Variants in TPRA1 observed in about 807,000 individuals in gnomAD.
The protein encoded by TPRA1 is transmembrane protein adipocyte-associated 1.
Under a neutral mutation model 40.1 loss-of-function variants are expected in TPRA1, and 28 were observed. The observed-to-expected ratio is 0.70, with a 90% CI of 0.52 to 0.96. The LOEUF is 0.96. Among genes scored for constraint, TPRA1 ranks in the 40% least tolerant of loss-of-function variants. The pLI, the probability that TPRA1 is intolerant of heterozygous loss-of-function variation, is 0.00. For synonymous variants in TPRA1, 219 were observed against 209.7 expected (o/e 1.04, Z -0.38); for missense variants, 441 against 482.6 (o/e 0.91, Z 0.81).
At chr3:127,580,972 T>C (rs1386475874) in intron 1 of TPRA1, among the ~76,000 whole-genome samples, 1 of 152,126 alleles carries the variant, frequency 6.6e-6, no homozygotes, top group South Asian at 2.1e-4. Context: ...CACATGACAC[T>C]CTGAGCATGA....
At chr3:127,584,711 C>A (rs999372119) in intron 1 of TPRA1, among the ~76,000 whole-genome samples, 1 of 152,118 alleles carries the variant, frequency 6.6e-6, no homozygotes, top group Non-Finnish European at 1.5e-5. Flanking sequence ...TGGACACGAG[C>A]TGAGACAGGC....
intron 1 of TPRA1, among the ~76,000 whole-genome samples, chr3:127,597,799 G>C (rs2074260401): frequency 1.3e-5 from 2 of 151,694 alleles, no homozygotes; most frequent in South Asian, 4.2e-4. Flanking sequence ...ACCAGGCTCT[G>C]AACCTCTGCT....
intron 10 of TPRA1, among the ~76,000 whole-genome samples, chr3:127,574,435 A>C (rs2073503484): frequency 6.6e-6 from 1 of 152,140 alleles, no homozygotes; most frequent in Non-Finnish European, 1.5e-5. Flanking sequence ...CCCCAATCCC[A>C]TGTCTTCAGC....
chr3:127,597,232 G>A (rs2074252843), intron 1 of TPRA1, among the ~76,000 whole-genome samples: 1 of 152,126 alleles, frequency 6.6e-6, no homozygotes, highest in African/African-American at 2.4e-5. Context: ...AAAGTGCCTG[G>A]CTAAGAGGGT....
chr3:127,592,104 C>T (rs765059237), upstream of TPRA1, among the ~76,000 whole-genome samples: 24 of 152,360 alleles, frequency 1.6e-4, no homozygotes, highest in Non-Finnish European at 3.4e-4. Flanking sequence ...CGAATGACCA[C>T]AGCCACAATG....
At chr3:127,583,144 T>C in intron 1 of TPRA1, among the ~76,000 whole-genome samples, 2 of 99,682 alleles carry the variant, frequency 2.0e-5, no homozygotes, top group African/African-American at 8.9e-5. Context: ...AGACTCCGTC[T>C]CAAAAAAAAA....
At chr3:127,574,948 G>A in intron 10 of TPRA1, 1 of 576,284 alleles carries the variant, frequency 1.7e-6, no homozygotes, top group Non-Finnish European at 3.1e-6. Context: ...ATGTGTGCAT[G>A]CTTGTGCATC....
At position 127,573,778 on chromosome 3, in the gene TPRA1, T is replaced by C. The variant is rs774848390; in HGVS notation, c.865A>G (p.Lys289Glu). 6.4e-7 allele frequency: 1 copy of C among 1,573,022 alleles called. No homozygotes were observed. Among genetic ancestry groups the C allele is most frequent in the Admixed American group, 1.8e-5 (1 of 56,084 alleles). Reference protein sequence around the residue: ...FLRGFFGSEPKILFSYKCQVD... With the variant: ...FLRGFFGSEPEILFSYKCQVD... ...TGGCATTTGTAGGAGAAGAGGATCTTGGGCTCCGAGCTGATAAAAGGAAAA... is the reference window on the plus strand; with the variant it reads ...TGGCATTTGTAGGAGAAGAGGATCTCGGGCTCCGAGCTGATAAAAGGAAAA... Residue 289 changes from lysine to glutamate, a missense_variant, in exon 11 of 11, where the codon AAG becomes GAG. Physicochemically the swap from Lys to Glu is moderately conservative, Grantham distance 56. Transcript: ENST00000355552.
rs990742862 is a variant in TPRA1, at chr3:127,571,300, C to T, written c.*2221G>A. On this transcript the variant is annotated 3_prime_UTR_variant, in exon 11 of 11. Coordinates refer to ENST00000355552, the MANE Select transcript of TPRA1 (RefSeq NM_001136053.4). ...TTATTCTAGACAGCTGTGTATCTAG[C>T]GAAAAATCAGGGATTCTCTTCCAAT... The T allele has an allele frequency of 2.0e-5, 3 of 152,060 alleles. No homozygotes were observed. Among genetic ancestry groups the T allele is most frequent in the East Asian group, 3.9e-4 (2 of 5,192 alleles). 9.4% of individuals were successfully genotyped at this position (152,060 alleles called of 1,614,324 possible). A position where few individuals can be genotyped will look rare whatever the true frequency, so the allele number is the denominator to read the frequency against.
upstream of TPRA1, among the ~76,000 whole-genome samples, chr3:127,591,602 C>A (rs1389123871): frequency 6.6e-6 from 1 of 152,226 alleles, no homozygotes; most frequent in Non-Finnish European, 1.5e-5. Context: ...TGTTCCCCCG[C>A]AGAGCTGGCT....
intron 1 of TPRA1, among the ~76,000 whole-genome samples, chr3:127,583,440 G>A (rs2073895991): frequency 6.6e-6 from 1 of 152,178 alleles, no homozygotes; most frequent in African/African-American, 2.4e-5. Flanking sequence ...CGAGGCTGCA[G>A]TGAGCTATGA....
rs2073438264 is a variant in TPRA1 at position 127,573,412 on chromosome 3, C to T, written c.*109G>A. On this transcript the variant is annotated 3_prime_UTR_variant, in exon 11 of 11. Transcript: ENST00000355552. ...GACTCATGGTGGGAACAGGGCCACA[C>T]AGGGCTACTGCCCACAGAACGTCCC... 4 of 1,399,738 alleles carry T rather than the reference C, an allele frequency of 2.9e-6. No homozygotes were observed. Among genetic ancestry groups the T allele is most frequent in the Non-Finnish European group, 3.8e-6 (4 of 1,055,270 alleles). 86.7% of individuals were successfully genotyped at this position (1,399,738 alleles called of 1,614,324 possible). A position where few individuals can be genotyped will look rare whatever the true frequency, so the allele number is the denominator to read the frequency against.
Position 127,576,742 on chromosome 3 carries a change from C to G in TPRA1, c.419-46G>C. The G allele has an allele frequency of 2.5e-6, 4 of 1,611,230 alleles. No individual in the cohort carries two copies. The highest frequency in any genetic ancestry group is 3.4e-6 in the Non-Finnish European group (4 of 1,178,746). Reference sequence around the variant, plus strand: ...AGCAGGCAGGAGCCAGCCCAGGTGACCACTCCAGAGTCAGCCCACAGCCAG... The same window carrying G: ...AGCAGGCAGGAGCCAGCCCAGGTGAGCACTCCAGAGTCAGCCCACAGCCAG... On this transcript the variant is annotated intron_variant, in intron 5 of 10. Coordinates refer to ENST00000355552, the MANE Select transcript of TPRA1 (RefSeq NM_001136053.4). This position sits in a 1 kb window ranked among gnomAD's most constrained non-coding sequence, Gnocchi z 4.6.
chr3:127,576,978 G>A lies in TPRA1; in HGVS notation c.345+12C>T. ...AGGCCTCCCTGGCCTCCCTCAGAGG[G>A]CCCAGCCGCACCTTATCAGCAACAG... On this transcript the variant is annotated intron_variant, in intron 4 of 10. Coordinates refer to ENST00000355552, the MANE Select transcript of TPRA1 (RefSeq NM_001136053.4). The surrounding 1 kb of genome is among the most constrained non-coding windows in gnomAD (Gnocchi z 4.6). 1 of 1,613,636 alleles carries A rather than the reference G, an allele frequency of 6.2e-7. No homozygotes were observed. Among genetic ancestry groups the A allele is most frequent in the Non-Finnish European group, 8.5e-7 (1 of 1,179,964 alleles).
upstream of TPRA1, among the ~76,000 whole-genome samples, chr3:127,592,227 A>G (rs1287661334): frequency 1.3e-5 from 2 of 152,122 alleles, no homozygotes; most frequent in East Asian, 3.9e-4. Flanking sequence ...GGAAACTGCC[A>G]CCCTACCATG....
chr3:127,580,379 C>T (rs570456842), intron 1 of TPRA1: 39 of 538,824 alleles, frequency 7.2e-5, no homozygotes, highest in Admixed American at 4.3e-4. Flanking sequence ...CTCTATCTCA[C>T]GACCTGCAAA....
rs79850434 is a variant in TPRA1, at chr3:127,589,996, A to C, written c.-18+414T>G. 0.013 allele frequency among the ~76,000 whole-genome samples: 1,928 copies of C among 152,298 alleles called. 225 individuals are homozygous for C. The East Asian group carries it at 0.28, about 22-fold the overall frequency. The stretch of plus-strand genomic sequence containing the variant: ...ACATGGCCCCCTCACGGGGCAGCAA[A>C]GCCCCGAACCGGCGGCAGGCTTGGC... On this transcript the variant is annotated intron_variant, in intron 1 of 10. Coordinates refer to ENST00000355552, the MANE Select transcript of TPRA1 (RefSeq NM_001136053.4).
upstream of TPRA1, among the ~76,000 whole-genome samples, chr3:127,591,378 C>G (rs1235149966): frequency 1.3e-5 from 2 of 152,204 alleles, no homozygotes; most frequent in African/African-American, 4.8e-5. Context: ...ATAACTTGAC[C>G]AAAGCCGCGC....
At chr3:127,575,148 G>A (rs1159178969) in intron 10 of TPRA1, 37 bp downstream of exon 10, 6 of 1,605,396 alleles carry the variant, frequency 3.7e-6, no homozygotes, top group South Asian at 2.2e-5. Flanking sequence ...CAGTTCCGCC[G>A]GCAGCCACGC....
Sources: gnomAD v4.1 joint callset for allele counts (sites outside exome capture counted in the v4.1 genomes callset) on GRCh38, gnomAD v4.1.1 for gene constraint, Gnocchi (gnomAD v3.1) non-coding constraint, MANE v1.5 for transcripts, NCBI Gene and HGNC (gene_info 2026-07-23, HGNC 2026-07-21) for gene names.